Variants in HNRNPUL2 observed in about 807,000 individuals in gnomAD.
The protein encoded by HNRNPUL2 is heterogeneous nuclear ribonucleoprotein U-like protein 2.
A neutral mutation model predicts 102.2 loss-of-function variants in HNRNPUL2; 27 were observed. That is an observed-to-expected ratio of 0.26 (90% CI 0.19 to 0.36). The LOEUF (loss-of-function observed/expected upper bound fraction) is 0.36. HNRNPUL2 is among the 10% of genes least tolerant of loss of function. The pLI, the probability that HNRNPUL2 is intolerant of heterozygous loss-of-function variation, is 1.00. For synonymous variants in HNRNPUL2, 458 were observed against 387.2 expected (o/e 1.18, Z -2.15); for missense variants, 936 against 981.1 (o/e 0.95, Z 0.61).
intron 1 of HNRNPUL2, among the ~76,000 whole-genome samples, 165 bp from the exon 2 acceptor site, chr11:62,724,591 G>T (rs1333777784): frequency 6.6e-6 from 1 of 152,126 alleles, no homozygotes; most frequent in Non-Finnish European, 1.5e-5. Flanking sequence ...TCAGCTTTCT[G>T]TCATTGGCTG....
chr11:62,725,983 G>T (rs1230526257), intron 1 of HNRNPUL2, among the ~76,000 whole-genome samples: 2 of 152,124 alleles, frequency 1.3e-5, no homozygotes, highest in Non-Finnish European at 2.9e-5. Flanking sequence ...ATCCAAGCAA[G>T]ATAAAAACCC....
In HNRNPUL2 at chr11:62,715,382, A is replaced by G. The variant is rs773160462; in HGVS notation, c.2164-3T>C. 41 of 1,612,650 alleles carry G rather than the reference A, an allele frequency of 2.5e-5. No homozygotes were observed. The highest frequency in any genetic ancestry group is 3.4e-5 in the Non-Finnish European group (40 of 1,179,112). On this transcript the variant is annotated splice_polypyrimidine_tract_variant and splice_region_variant and intron_variant, in intron 13 of 13. Transcript: ENST00000301785. ...TGGTGGTAGTAGTAACTCTGCCACTAGAAGAGAGGGAAACCCCATCACTTG... is the reference window on the plus strand; with the variant it reads ...TGGTGGTAGTAGTAACTCTGCCACTGGAAGAGAGGGAAACCCCATCACTTG...
rs577159200 is a variant in HNRNPUL2 at position 62,724,354 on chromosome 11, C to T, written c.611G>A (p.Arg204Gln). 1 of 1,614,116 alleles carries T rather than the reference C, an allele frequency of 6.2e-7. No individual in the cohort carries two copies. Among genetic ancestry groups the T allele is most frequent in the East Asian group, 2.2e-5 (1 of 44,882 alleles). Residue 204 changes from arginine to glutamine, a missense_variant, in exon 2 of 14, where the codon CGG (arginine) becomes CAG (glutamine). Transcript: ENST00000301785. ...DGERRGVKRQRDEKDEHGRAY... is the reference protein window; with the variant it reads ...DGERRGVKRQQDEKDEHGRAY... ...TCGGCCATGTTCATCCTTCTCATCC[C>T]GCTGTCTCTTTACCCCCCGCCGCTC...
Position 62,727,361 on chromosome 11 carries a change from CT to C in HNRNPUL2, c.-206del. ...TGCTTCTCCTTCGTCTCCCCTCCCC[CT>C]TTCGGCTCACGGAGCCCAAAACAAC... On this transcript the variant is annotated 5_prime_UTR_variant, in exon 1 of 14. Transcript: ENST00000301785. The C allele has an allele frequency of 1.7e-6, 1 of 582,892 alleles. No homozygotes were observed. Among genetic ancestry groups the C allele is most frequent in the South Asian group, 8.0e-5 (1 of 12,438 alleles). The allele number at this position is 582,892 out of a possible 1,614,324, so 36.1% of individuals were successfully genotyped here.
chr11:62,721,973 A>G (rs1451557269), intron 7 of HNRNPUL2, 31 bp from the exon 8 acceptor site: 3 of 1,612,476 alleles, frequency 1.9e-6, no homozygotes, highest in Middle Eastern at 1.7e-4. Flanking sequence ...AATATAATGA[A>G]AAATAAATGA....
intron 10 of HNRNPUL2, among the ~76,000 whole-genome samples, chr11:62,717,562 A>G (rs1480464467): frequency 6.6e-6 from 1 of 152,236 alleles, no homozygotes; most frequent in Non-Finnish European, 1.5e-5. Flanking sequence ...TTTTAAAAAG[A>G]GACTCAGAGA....
Position 62,722,157 on chromosome 11 carries a change from A to G in HNRNPUL2, c.1319T>C (p.Val440Ala), listed in dbSNP as rs200099583. The change falls in exon 7 of 14, where the codon GTA becomes GCA. Residue 440 changes from valine to alanine, a missense_variant. Val to Ala is a moderately conservative substitution (Grantham distance 64). Around this residue, in one of 2 missense-constraint regions of HNRNPUL2, gnomAD observed 609 missense variants for 713.0 expected, o/e 0.85. Coordinates refer to ENST00000301785, the MANE Select transcript of HNRNPUL2 (RefSeq NM_001079559.3). ...GGTCTTGGGAGGGACTGCAGTGCGT[A>G]CACGCTCCTCAACAGGCACAGCATG... ...FIHAVPVEER[V>A]RTAVPPKTIE... is the part of the protein sequence containing the mutation. 1.9e-3 allele frequency: 3,147 copies of G among 1,614,018 alleles called. 3 individuals carry two copies. The highest frequency in any genetic ancestry group is 2.5e-3 in the Non-Finnish European group (2,976 of 1,180,036).
At chr11:62,723,818 A>G in intron 3 of HNRNPUL2, 92 bp from the exon 4 acceptor site, 5 of 1,600,750 alleles carry the variant, frequency 3.1e-6, no homozygotes, top group Non-Finnish European at 4.3e-6. Context: ...TAGTGGATAC[A>G]AAGTCTCATA....
chr11:62,723,419 A>G (rs887625616), intron 4 of HNRNPUL2, among the ~76,000 whole-genome samples, 168 bp downstream of exon 4: 2 of 152,192 alleles, frequency 1.3e-5, no homozygotes, highest in Admixed American at 1.3e-4. Flanking sequence ...TCAACCCAGG[A>G]GGCAGAGGCT....
rs769716329 is a variant in HNRNPUL2, at chr11:62,726,748, C to A, written c.409G>T (p.Gly137Trp). ...TCGCCACCATTTACCCCGCCTGACC[C>A]GGCCGTGGCCTCCGCCGGCTTCTCG... ...ASEKPAEATA[G>W]SGGVNGGEEQ... The change falls in exon 1 of 14, where the codon GGG (glycine) becomes TGG (tryptophan). Residue 137 changes from glycine to tryptophan, a missense_variant. Physicochemically the swap from Gly to Trp is radical, Grantham distance 184 (BLOSUM62 -2). Coordinates refer to ENST00000301785, the MANE Select transcript of HNRNPUL2 (RefSeq NM_001079559.3). 3.7e-6 allele frequency: 6 copies of A among 1,600,954 alleles called. No individual in the cohort carries two copies. The African/African-American group carries it at 6.7e-5, about 18-fold the overall frequency.
chr11:62,720,104 C>T lies in HNRNPUL2; in HGVS notation c.1699G>A (p.Glu567Lys), dbSNP rs748654937. ...AACTCCAGCCTCTTCTTCCAATCTT[C>T]CTCATTAGGGACAACCACCACCACT... ...RKVVVVVPNE[E>K]DWKKRLELRK... Residue 567 changes from glutamate (E) to lysine (K), a missense_variant, in exon 10 of 14, where the codon GAA (glutamate) becomes AAA (lysine). Physicochemically the swap from Glu to Lys is moderately conservative, Grantham distance 56. Coordinates refer to ENST00000301785, the MANE Select transcript of HNRNPUL2 (RefSeq NM_001079559.3). The T allele has an allele frequency of 1.1e-5, 18 of 1,614,168 alleles. No individual in the cohort carries two copies. The highest frequency in any genetic ancestry group is 1.4e-5 in the Non-Finnish European group (16 of 1,180,004).
intron 1 of HNRNPUL2, among the ~76,000 whole-genome samples, chr11:62,725,692 A>G (rs1464071905): frequency 6.6e-6 from 1 of 152,190 alleles, no homozygotes; most frequent in Non-Finnish European, 1.5e-5. Context: ...GAGGCCACCC[A>G]CTTTATAGTA....
At position 62,720,150 on chromosome 11, in the gene HNRNPUL2, C is replaced by A; in HGVS notation, c.1653G>T (p.Leu551=). 1 of 1,614,080 alleles carries A rather than the reference C, an allele frequency of 6.2e-7. No homozygotes were observed. Among genetic ancestry groups the A allele is most frequent in the Non-Finnish European group, 8.5e-7 (1 of 1,179,922 alleles). The change falls in exon 10 of 14, where the codon CTG becomes CTT. Residue 551 remains leucine (L), a synonymous_variant. Coordinates refer to ENST00000301785, the MANE Select transcript of HNRNPUL2 (RefSeq NM_001079559.3). ...YNSGQRRKLL[L]FKTFSRKVVV... is the part of the protein sequence containing the mutation. ...CCACTTTCCGAGAGAAGGTCTTGAA[C>A]AGCAATAGCTTCCGCCGTTGGCCAG...
At position 62,715,207 on chromosome 11, in the gene HNRNPUL2, C is replaced by G; in HGVS notation, c.*92G>C. 7.9e-6 allele frequency: 6 copies of G among 760,694 alleles called. No individual in the cohort carries two copies. Among genetic ancestry groups the G allele is most frequent in the Non-Finnish European group, 1.3e-5 (6 of 479,326 alleles). 47.1% of individuals were successfully genotyped at this position (760,694 alleles called of 1,614,324 possible). ...CCCCGGCAGCTCAGCCCCACCCCGACAGCCCCTGTTTTCCTTGGTTGTGTT... is the reference window on the plus strand; with the variant it reads ...CCCCGGCAGCTCAGCCCCACCCCGAGAGCCCCTGTTTTCCTTGGTTGTGTT... On this transcript the variant is annotated 3_prime_UTR_variant, in exon 14 of 14. Coordinates refer to ENST00000301785, the MANE Select transcript of HNRNPUL2 (RefSeq NM_001079559.3).
At chr11:62,717,970 G>A (rs1401436713) in intron 10 of HNRNPUL2, among the ~76,000 whole-genome samples, 1 of 152,158 alleles carries the variant, frequency 6.6e-6, no homozygotes, top group Admixed American at 6.5e-5. Context: ...GTTCAATGGG[G>A]CTCTCATGAT....
At position 62,713,900 on chromosome 11, in the gene HNRNPUL2, C is replaced by T. The variant is rs753411971; in HGVS notation, c.*1399G>A. 1 of 152,214 alleles carries T rather than the reference C, an allele frequency of 6.6e-6. No homozygotes were observed. Among genetic ancestry groups the T allele is most frequent in the African/African-American group, 2.4e-5 (1 of 41,446 alleles). The allele number at this position is 152,214 out of a possible 1,614,324, so 9.4% of individuals were successfully genotyped here. On this transcript the variant is annotated 3_prime_UTR_variant, in exon 14 of 14. Transcript: ENST00000301785. ...TCCATATCCCACCCATATTCTTGAACCCAGCAACCTACAGCTGTCTATCAA... is the reference window on the plus strand; with the variant it reads ...TCCATATCCCACCCATATTCTTGAATCCAGCAACCTACAGCTGTCTATCAA...
In HNRNPUL2 at chr11:62,721,308, A is replaced by C; in HGVS notation, c.1598T>G (p.Phe533Cys). ...TCAGATTAATACCTGATCAAGAATA[A>C]AGTTCCTCTTTGTCCGGGAAGCAAT... ...VQIASRTKRN[F>C]ILDQCNVYNS... The change falls in exon 9 of 14, where the codon TTT becomes TGT. Residue 533 changes from phenylalanine (F) to cysteine (C), a missense_variant. By Grantham distance (205) the Phe-to-Cys change is radical. Transcript: ENST00000301785. The C allele has an allele frequency of 6.2e-7, 1 of 1,608,000 alleles. No individual in the cohort carries two copies. Among genetic ancestry groups the C allele is most frequent in the Non-Finnish European group, 8.5e-7 (1 of 1,178,280 alleles).
chr11:62,720,105 C>A lies in HNRNPUL2; in HGVS notation c.1698G>T (p.Glu566Asp). ...SRKVVVVVPNEEDWKKRLELR... is the reference protein window; with the variant it reads ...SRKVVVVVPNDEDWKKRLELR... ...ACTCCAGCCTCTTCTTCCAATCTTC[C>A]TCATTAGGGACAACCACCACCACTT... Residue 566 changes from glutamate to aspartate, a missense_variant, in exon 10 of 14, where the codon GAG (glutamate) becomes GAT (aspartate). By Grantham distance (45) the Glu-to-Asp change is conservative. Coordinates refer to ENST00000301785, the MANE Select transcript of HNRNPUL2 (RefSeq NM_001079559.3). 1.9e-6 allele frequency: 3 copies of A among 1,614,146 alleles called. No homozygotes were observed. Among genetic ancestry groups the A allele is most frequent in the Non-Finnish European group, 2.5e-6 (3 of 1,180,002 alleles).
rs767869268 is a variant in HNRNPUL2, at chr11:62,723,958, GCCT to G, written c.704_706del (p.Glu235del). On this transcript the variant is annotated inframe_deletion, in exon 3 of 14. Transcript: ENST00000301785. ...AGTTTGATCCTCCTCCTCATCTTTT[GCCT>G]CTTCTTCAGGAGGCAGTGGAGACTT... 1.2e-6 allele frequency: 2 copies of G among 1,613,872 alleles called. No homozygotes were observed.
Sources: allele counts gnomAD v4.1 joint callset (sites outside exome capture counted in the v4.1 genomes callset), GRCh38; gene constraint gnomAD v4.1.1; regional missense constraint gnomAD v4.1.1; transcripts MANE v1.5; gene names NCBI Gene and HGNC (gene_info 2026-07-23, HGNC 2026-07-21).